VCL: variants seen among roughly 807,000 people sequenced by gnomAD.
VCL encodes the protein epididymis luminal protein 114.
VCL carries 47 observed loss-of-function variants against 125.7 expected under a neutral mutation model. That is an observed-to-expected ratio of 0.37 (90% confidence interval 0.30 to 0.48). VCL has a LOEUF of 0.48. Ranked by LOEUF, VCL falls within the 20% of genes least tolerant of loss-of-function variation. The pLI is 0.99. For synonymous variants in VCL, 458 were observed against 514.6 expected (o/e 0.89, Z 1.49); for missense variants, 1,069 against 1,455.5 (o/e 0.73, Z 4.32).
At chr10:74,099,605 G>A (rs1395611155) in intron 13 of VCL, among the ~76,000 whole-genome samples, 8 of 152,174 alleles carry the variant, frequency 5.3e-5, no homozygotes, top group African/African-American at 1.9e-4. Flanking sequence ...TCAGGGTCTG[G>A]CACATAGTAG....
At chr10:74,018,560 G>A (rs1016378507) in intron 1 of VCL, among the ~76,000 whole-genome samples, 18 of 152,134 alleles carry the variant, frequency 1.2e-4, no homozygotes, top group Admixed American at 3.9e-4. Context: ...AATACCTTCT[G>A]TGCAGAGTGA....
At chr10:74,082,229 C>T (rs544730398) in intron 6 of VCL, among the ~76,000 whole-genome samples, 1 of 152,300 alleles carries the variant, frequency 6.6e-6, no homozygotes, top group South Asian at 2.1e-4. Context: ...GAACCCAATT[C>T]CACTCTGTTT....
chr10:74,104,744 G>T (rs1285027134), intron 15 of VCL, among the ~76,000 whole-genome samples: 1 of 152,168 alleles, frequency 6.6e-6, no homozygotes, highest in Non-Finnish European at 1.5e-5. Context: ...TGCAGTGATG[G>T]TTTCAGACAT....
chr10:73,999,118 TG>T (rs950346546), intron 1 of VCL, among the ~76,000 whole-genome samples: 2 of 152,216 alleles, frequency 1.3e-5, no homozygotes, highest in Admixed American at 6.5e-5. Flanking sequence ...CATTCCCTCC[TG>T]TGGACATTTT....
At chr10:74,074,066 A>AAAAACAAAACAAAACAAAACAAAAC (rs199568482) in intron 5 of VCL, among the ~76,000 whole-genome samples, 1 of 151,920 alleles carries the variant, frequency 6.6e-6, no homozygotes, top group African/African-American at 2.4e-5. Context: ...CGTCTCTACT[A>AAAAACAAAACAAAACAAAACAAAAC]AAAACAAAAC....
intron 2 of VCL, among the ~76,000 whole-genome samples, chr10:74,059,982 G>T (rs1020815275): frequency 7.2e-5 from 11 of 152,072 alleles, no homozygotes; most frequent in Non-Finnish European, 1.6e-4. Context: ...GGACAACATA[G>T]GGAGACCTTG....
At position 74,114,000 on chromosome 10, in the gene VCL, C is replaced by G. The variant is rs1308903955; in HGVS notation, c.2950-184C>G. ...CTGAGTGCTTGGGCGAGTGCCCTGT[C>G]TCATTCTTTTTTTTTCTTCCAGTGC... On this transcript the variant is annotated intron_variant, in intron 19 of 21. Transcript: ENST00000211998. Among the ~76,000 whole-genome samples, 4 of 152,076 alleles carry G rather than the reference C, an allele frequency of 2.6e-5. No homozygotes were observed. The South Asian group carries it at 6.2e-4, about 24-fold the overall frequency.
chr10:74,103,115 G>A (rs748595871), intron 14 of VCL, among the ~76,000 whole-genome samples: 10 of 152,176 alleles, frequency 6.6e-5, no homozygotes, highest in Middle Eastern at 3.4e-3. Flanking sequence ...TGATCCACCC[G>A]CCTCGGTCTC....
intron 13 of VCL, among the ~76,000 whole-genome samples, chr10:74,100,521 C>T (rs2131922174): frequency 6.6e-6 from 1 of 152,270 alleles, no homozygotes; most frequent in East Asian, 1.9e-4. Flanking sequence ...TGTGGATGTT[C>T]TGGGCTTTTA....
chr10:74,057,040 G>A (rs1591677373), intron 2 of VCL, among the ~76,000 whole-genome samples: 1 of 151,986 alleles, frequency 6.6e-6, no homozygotes, highest in African/African-American at 2.4e-5. Flanking sequence ...AGACTTCTGG[G>A]ATCAAACAAT....
At chr10:74,000,259 C>CTTTTTTTTTTTT (rs34197555) in intron 1 of VCL, among the ~76,000 whole-genome samples, 1 of 114,826 alleles carries the variant, frequency 8.7e-6, no homozygotes, top group Non-Finnish European at 1.7e-5. Context: ...TTGTATTTTG[C>CTTTTTTTTTTTT]TTTTTTTTTT....
At chr10:74,067,476 A>G (rs1452451154) in intron 2 of VCL, among the ~76,000 whole-genome samples, 1 of 152,320 alleles carries the variant, frequency 6.6e-6, no homozygotes, top group African/African-American at 2.4e-5. Flanking sequence ...GGTTTCTCAA[A>G]AAATCAAACA....
chr10:74,083,014 TTC>T (rs1377628820), intron 7 of VCL, among the ~76,000 whole-genome samples: 2 of 148,944 alleles, frequency 1.3e-5, no homozygotes, highest in African/African-American at 2.5e-5. Context: ...CTAATATTTA[TTC>T]TGTTTTAGAT....
At chr10:74,081,617 G>C (rs768204044) in intron 6 of VCL, among the ~76,000 whole-genome samples, 8 of 152,124 alleles carry the variant, frequency 5.3e-5, no homozygotes, top group Non-Finnish European at 7.4e-5. Context: ...ATTGTTCTCT[G>C]TGTTTTTATG....
chr10:74,026,010 G>T (rs1368994679), intron 1 of VCL, among the ~76,000 whole-genome samples: 1 of 152,146 alleles, frequency 6.6e-6, no homozygotes, highest in Non-Finnish European at 1.5e-5. Context: ...TTTACATAGG[G>T]CCCAAAAGAT....
At chr10:74,041,570 T>C (rs963928450) in intron 1 of VCL, among the ~76,000 whole-genome samples, 3 of 152,190 alleles carry the variant, frequency 2.0e-5, no homozygotes, top group Admixed American at 6.6e-5. Flanking sequence ...AATTGTGTAC[T>C]GAGATTATTA....
intron 2 of VCL, among the ~76,000 whole-genome samples, chr10:74,058,020 G>T (rs532804837): frequency 6.6e-6 from 1 of 152,174 alleles, no homozygotes; most frequent in African/African-American, 2.4e-5. Context: ...GGACTTCTCA[G>T]ACTGGGAAGT....
At chr10:74,083,078 C>G (rs1255096435) in intron 7 of VCL, among the ~76,000 whole-genome samples, 9 of 152,172 alleles carry the variant, frequency 5.9e-5, no homozygotes. Flanking sequence ...GTGCTAAATA[C>G]TATTAAATTG....
At chr10:74,061,116 T>C (rs754799959) in intron 2 of VCL, among the ~76,000 whole-genome samples, 5 of 152,208 alleles carry the variant, frequency 3.3e-5, no homozygotes, top group Non-Finnish European at 7.4e-5. Context: ...ACTTTCATTC[T>C]TTAAATACTT....
Sources: gnomAD v4.1 joint callset for allele counts (sites outside exome capture counted in the v4.1 genomes callset) on GRCh38, gnomAD v4.1.1 for gene constraint, MANE v1.5 for transcripts, NCBI Gene and HGNC (gene_info 2026-07-23, HGNC 2026-07-21) for gene names.